The following NBEA variants were observed in gnomAD, a reference collection of about 807,000 sequenced individuals.
NBEA encodes neurobeachin.
Under a neutral mutation model 343.4 loss-of-function variants are expected in NBEA, and 44 were observed. The observed-to-expected ratio is 0.13, with a 90% CI of 0.10 to 0.16. The LOEUF is 0.16. NBEA is among the 10% of genes least tolerant of loss of function. NBEA has a pLI of 1.00. For missense variants in NBEA, 2,555 were observed against 3,631.3 expected (o/e 0.70, Z 7.62); for synonymous variants, 1,175 against 1,238.7 (o/e 0.95, Z 1.08).
chr13:35,018,446 C>T (rs1394130485), intron 1 of NBEA, among the ~76,000 whole-genome samples: 1 of 152,068 alleles, frequency 6.6e-6, no homozygotes, highest in Non-Finnish European at 1.5e-5. Flanking sequence ...TTTGAGTATA[C>T]ACTTTACAAA....
intron 17 of NBEA, among the ~76,000 whole-genome samples, chr13:35,133,104 G>A (rs2067514492): frequency 6.6e-6 from 1 of 152,036 alleles, no homozygotes; most frequent in South Asian, 2.1e-4. Flanking sequence ...GATATTTGCA[G>A]TTTATCTAGG....
chr13:35,025,837 TG>T (rs1490109260), intron 1 of NBEA, among the ~76,000 whole-genome samples: 3 of 152,208 alleles, frequency 2.0e-5, no homozygotes, highest in Non-Finnish European at 4.4e-5. Flanking sequence ...GTTATTCTAA[TG>T]ATCAGTGAGA....
At chr13:35,629,565 A>G (rs951803428) in intron 49 of NBEA, among the ~76,000 whole-genome samples, 1 of 152,196 alleles carries the variant, frequency 6.6e-6, no homozygotes, top group African/African-American at 2.4e-5. Context: ...TGTGCACACA[A>G]GATAAAATTA....
intron 40 of NBEA, among the ~76,000 whole-genome samples, chr13:35,455,507 T>A (rs1009112005): frequency 6.6e-6 from 1 of 152,146 alleles, no homozygotes; most frequent in Non-Finnish European, 1.5e-5. Context: ...TATTATAGAT[T>A]TAACATTTTC....
Position 35,066,974 on chromosome 13 carries a change from C to T in NBEA, c.1240-2934C>T, listed in dbSNP as rs531545544. Among the ~76,000 whole-genome samples, 4 of 152,044 alleles carry T rather than the reference C, an allele frequency of 2.6e-5. No individual in the cohort carries two copies. The South Asian group carries it at 8.3e-4, about 32-fold the overall frequency. Reference sequence around the variant, plus strand: ...TGATTGCAGTAGAGCTTACCATATACATCTTAACTCACTGGAATCAGCCCC... The same window carrying T: ...TGATTGCAGTAGAGCTTACCATATATATCTTAACTCACTGGAATCAGCCCC... On this transcript the variant is annotated intron_variant, in intron 8 of 58. Coordinates refer to ENST00000379939, the MANE Select transcript of NBEA (RefSeq NM_001385012.1).
intron 7 of NBEA, among the ~76,000 whole-genome samples, chr13:35,056,827 A>G (rs1039123131): frequency 2.0e-5 from 3 of 152,172 alleles, no homozygotes; most frequent in Admixed American, 2.0e-4. Flanking sequence ...GGTTTTCAGC[A>G]GACAAGTGAT....
intron 38 of NBEA, among the ~76,000 whole-genome samples, chr13:35,409,912 C>G (rs1413229129): frequency 6.6e-6 from 1 of 152,062 alleles, no homozygotes; most frequent in East Asian, 1.9e-4. Context: ...TGATAACAAA[C>G]TTTTCTAATT....
chr13:35,606,579 G>A lies in NBEA; in HGVS notation c.7449+1G>A. ...AGACTTTGTGCGGATCAACAGGATG[G>A]TAAGAGAGATTTTGCTTTTGCTTGG... is the stretch of plus-strand genomic sequence containing the variant. On this transcript the variant is annotated splice_donor_variant, in intron 48 of 58. Transcript: ENST00000379939. LOFTEE classifies it high-confidence loss of function. 1 of 1,595,674 alleles carries A rather than the reference G, an allele frequency of 6.3e-7. No individual in the cohort carries two copies. Among genetic ancestry groups the A allele is most frequent in the South Asian group, 1.1e-5 (1 of 88,294 alleles).
At chr13:35,289,691 C>T (rs1023559649) in intron 34 of NBEA, among the ~76,000 whole-genome samples, 2 of 151,714 alleles carry the variant, frequency 1.3e-5, no homozygotes, top group Non-Finnish European at 2.9e-5. Flanking sequence ...AGACCATGCA[C>T]GTAAGGCACT....
intron 10 of NBEA, among the ~76,000 whole-genome samples, chr13:35,074,242 T>C (rs1271851602): frequency 6.6e-6 from 1 of 152,178 alleles, no homozygotes; most frequent in East Asian, 1.9e-4. Context: ...TTTATTTTCC[T>C]TTGAATTGGA....
chr13:34,958,390 TAAG>T (rs2059563024), intron 1 of NBEA, among the ~76,000 whole-genome samples: 1 of 152,108 alleles, frequency 6.6e-6, no homozygotes, highest in Admixed American at 6.6e-5. Context: ...TATTCATCAG[TAAG>T]AAGGGGAGGA....
intron 38 of NBEA, among the ~76,000 whole-genome samples, chr13:35,383,107 T>C (rs2042088521): frequency 6.6e-6 from 1 of 152,178 alleles, no homozygotes; most frequent in Admixed American, 6.6e-5. Flanking sequence ...TTGAGGAAAT[T>C]TGAATTGTAA....
chr13:35,339,230 G>T (rs1386780734), intron 36 of NBEA, among the ~76,000 whole-genome samples: 1 of 151,218 alleles, frequency 6.6e-6, no homozygotes, highest in Non-Finnish European at 1.5e-5. Flanking sequence ...TAGAAGGTAG[G>T]ACTTATATAT....
At chr13:35,189,542 G>A (rs2072014729) in intron 30 of NBEA, among the ~76,000 whole-genome samples, 1 of 151,620 alleles carries the variant, frequency 6.6e-6, no homozygotes. Flanking sequence ...GGATTTATGA[G>A]AAGAAAAGGA....
At chr13:35,604,914 G>C (rs2082221611) in intron 47 of NBEA, among the ~76,000 whole-genome samples, 1 of 151,982 alleles carries the variant, frequency 6.6e-6, no homozygotes, top group South Asian at 2.1e-4. Context: ...TTTCCTCCCT[G>C]CTCCCTTCTT....
At chr13:35,003,503 G>A (rs1023691791) in intron 1 of NBEA, among the ~76,000 whole-genome samples, 3 of 152,164 alleles carry the variant, frequency 2.0e-5, no homozygotes, top group Non-Finnish European at 2.9e-5. Flanking sequence ...TAGCTGCCCA[G>A]CCTGTCTCCC....
intron 17 of NBEA, among the ~76,000 whole-genome samples, chr13:35,134,530 A>G (rs1398197702): frequency 6.6e-6 from 1 of 151,970 alleles, no homozygotes; most frequent in Non-Finnish European, 1.5e-5. Flanking sequence ...GTGTGAAGAT[A>G]TCCTTTAGAG....
intron 17 of NBEA, among the ~76,000 whole-genome samples, chr13:35,124,403 TTAAG>T (rs1184580020): frequency 2.0e-5 from 3 of 151,080 alleles, no homozygotes; most frequent in South Asian, 2.1e-4. Flanking sequence ...CAAAGAATAA[TTAAG>T]TAAGGGAGAC....
intron 45 of NBEA, among the ~76,000 whole-genome samples, chr13:35,574,401 G>GAAAAA (rs963532174): frequency 1.7e-4 from 18 of 107,580 alleles, no homozygotes; most frequent in East Asian, 5.8e-4. Flanking sequence ...AAAAACAAAA[G>GAAAAA]AAAAAAAACA....
Sources: gnomAD v4.1 joint callset for allele counts (sites outside exome capture counted in the v4.1 genomes callset) on GRCh38, gnomAD v4.1.1 for gene constraint, MANE v1.5 for transcripts, NCBI Gene and HGNC (gene_info 2026-07-23, HGNC 2026-07-21) for gene names.